Variants in CACNA2D3 observed in about 807,000 individuals in gnomAD.
CACNA2D3 encodes calcium voltage-gated channel auxiliary subunit alpha2delta 3.
Under a neutral mutation model 160.6 loss-of-function variants are expected in CACNA2D3, and 60 were observed. That is an observed-to-expected ratio of 0.37 (90% CI 0.30 to 0.46). The LOEUF is 0.46. Ranked by LOEUF, CACNA2D3 falls within the 20% of genes least tolerant of loss-of-function variation. CACNA2D3 has a pLI of 1.00. For missense variants in CACNA2D3, 1,205 were observed against 1,365.0 expected, an observed-to-expected ratio of 0.88 and a Z score of 1.85; for synonymous variants, 558 against 492.9, an observed-to-expected ratio of 1.13 and a Z score of -1.75.
intron 3 of CACNA2D3, among the ~76,000 whole-genome samples, chr3:54,375,025 T>G (rs1478297581): frequency 2.0e-5 from 3 of 152,200 alleles, no homozygotes; most frequent in Non-Finnish European, 4.4e-5. Context: ...CTTTTGCCAC[T>G]GTACTTGCAG....
At chr3:54,629,449 C>A (rs757653484) in intron 10 of CACNA2D3, among the ~76,000 whole-genome samples, 3 of 152,136 alleles carry the variant, frequency 2.0e-5, no homozygotes, top group African/African-American at 7.2e-5. Flanking sequence ...CTGTTTAGAT[C>A]TCAGTCCTGA....
intron 2 of CACNA2D3, among the ~76,000 whole-genome samples, chr3:54,157,772 CAA>C (rs1371991616): frequency 2.2e-4 from 30 of 138,008 alleles, no homozygotes; most frequent in Admixed American, 8.7e-4. Context: ...GCCTGGGCAA[CAA>C]GAGTGAAAAC....
At chr3:54,357,873 T>C (rs1698676571) in intron 3 of CACNA2D3, among the ~76,000 whole-genome samples, 1 of 152,152 alleles carries the variant, frequency 6.6e-6, no homozygotes, top group South Asian at 2.1e-4. Flanking sequence ...GGAAAAACTG[T>C]GGAGACAGAA....
chr3:54,283,112 A>G (rs1702920042), intron 2 of CACNA2D3, among the ~76,000 whole-genome samples: 1 of 152,214 alleles, frequency 6.6e-6, no homozygotes, highest in African/African-American at 2.4e-5. Context: ...GGACTTTGAA[A>G]TGTGATTATA....
At chr3:54,565,009 C>T (rs1014917047) in intron 6 of CACNA2D3, among the ~76,000 whole-genome samples, 25 of 152,200 alleles carry the variant, frequency 1.6e-4, no homozygotes, top group African/African-American at 5.3e-4. Flanking sequence ...GTGATCTCCT[C>T]GTAATGGGGA....
intron 35 of CACNA2D3, among the ~76,000 whole-genome samples, chr3:55,066,040 T>G (rs1704628224): frequency 6.6e-6 from 1 of 152,208 alleles, no homozygotes; most frequent in Non-Finnish European, 1.5e-5. Context: ...AATTAAGCTT[T>G]CCTTTTAATT....
At chr3:54,615,389 G>C (rs1336992975) in intron 9 of CACNA2D3, among the ~76,000 whole-genome samples, 1 of 152,062 alleles carries the variant, frequency 6.6e-6, no homozygotes, top group Non-Finnish European at 1.5e-5. Flanking sequence ...TAAAATAGAG[G>C]GACAGAAGAA....
chr3:54,728,154 C>T (rs1447923830), intron 11 of CACNA2D3, among the ~76,000 whole-genome samples: 1 of 151,898 alleles, frequency 6.6e-6, no homozygotes. Flanking sequence ...ATTTTTGTCT[C>T]ACTTCCTCCA....
intron 4 of CACNA2D3, among the ~76,000 whole-genome samples, chr3:54,478,118 A>G (rs1559493115): frequency 6.6e-6 from 1 of 152,064 alleles, no homozygotes; most frequent in Non-Finnish European, 1.5e-5. Context: ...TTTTTACTTT[A>G]TGGCTCATGA....
chr3:54,819,180 G>A (rs377107910), intron 14 of CACNA2D3, among the ~76,000 whole-genome samples: 1 of 152,170 alleles, frequency 6.6e-6, no homozygotes, highest in East Asian at 1.9e-4. Flanking sequence ...GCAAAGGAAT[G>A]TGGTGGTTCC....
chr3:54,900,825 C>A (rs189117690), intron 27 of CACNA2D3, among the ~76,000 whole-genome samples: 1 of 152,104 alleles, frequency 6.6e-6, no homozygotes, highest in Non-Finnish European at 1.5e-5. Context: ...TGTTCTTTGG[C>A]GAGGAAATAC....
intron 21 of CACNA2D3, among the ~76,000 whole-genome samples, chr3:54,883,825 T>TCTCTCTCTCTCTCTCTCTCTCTCC (rs59265675): frequency 6.9e-6 from 1 of 144,320 alleles, no homozygotes; most frequent in Admixed American, 7.0e-5. Flanking sequence ...CTCTCTCTCC[T>TCTCTCTCTCTCTCTCTCTCTCTCC]CTCTCTCCCT....
intron 13 of CACNA2D3, among the ~76,000 whole-genome samples, chr3:54,770,089 C>G (rs957355947): frequency 6.6e-6 from 1 of 152,200 alleles, no homozygotes; most frequent in African/African-American, 2.4e-5. Flanking sequence ...AAAATACTTG[C>G]TGCCGACACT....
At chr3:54,557,989 C>T (rs1421186103) in intron 5 of CACNA2D3, among the ~76,000 whole-genome samples, 2 of 152,132 alleles carry the variant, frequency 1.3e-5, no homozygotes, top group Non-Finnish European at 2.9e-5. Context: ...GCCCACTGGC[C>T]CTGGAGCCAT....
At chr3:54,237,540 A>C (rs1284648040) in intron 2 of CACNA2D3, among the ~76,000 whole-genome samples, 2 of 152,152 alleles carry the variant, frequency 1.3e-5, no homozygotes, top group Admixed American at 6.5e-5. Context: ...TACACGGTAA[A>C]GATTAATCTT....
At chr3:54,254,325 C>T in intron 2 of CACNA2D3, among the ~76,000 whole-genome samples, 1 of 152,126 alleles carries the variant, frequency 6.6e-6, no homozygotes, top group East Asian at 1.9e-4. Flanking sequence ...AGTGCTTCCT[C>T]CCTACTTGTC....
intron 2 of CACNA2D3, among the ~76,000 whole-genome samples, chr3:54,309,559 G>C (rs1451836035): frequency 6.6e-6 from 1 of 152,098 alleles, no homozygotes; most frequent in African/African-American, 2.4e-5. Context: ...AGCTGCTCTC[G>C]GGGACAGCCT....
chr3:54,194,838 C>G (rs866987181), intron 2 of CACNA2D3, among the ~76,000 whole-genome samples: 2 of 152,186 alleles, frequency 1.3e-5, no homozygotes, highest in Admixed American at 1.3e-4. Flanking sequence ...TAATCACCTC[C>G]TAAAGTACCC....
chr3:54,355,762 A>G (rs1698637566), intron 3 of CACNA2D3, among the ~76,000 whole-genome samples: 1 of 152,194 alleles, frequency 6.6e-6, no homozygotes, highest in Admixed American at 6.5e-5. Context: ...TGACATATGG[A>G]TGGTATATTA....
Sources: allele counts gnomAD v4.1 joint callset (sites outside exome capture counted in the v4.1 genomes callset), GRCh38; gene constraint gnomAD v4.1.1; transcripts MANE v1.5; gene names NCBI Gene and HGNC (gene_info 2026-07-23, HGNC 2026-07-21).